CTNNA3: variants seen among roughly 807,000 people sequenced by gnomAD.
The protein encoded by CTNNA3 is catenin alpha 3, also known as catenin alpha-3.
CTNNA3 carries 76 observed loss-of-function variants against 95.7 expected under a neutral mutation model. The ratio of observed to expected loss-of-function variants is 0.79; its 90% CI spans 0.66 to 0.96. The LOEUF is 0.96. CTNNA3 is among the 40% of genes least tolerant of loss of function. The pLI is 0.00. For synonymous variants in CTNNA3, 431 were observed against 374.4 expected (o/e 1.15, Z -1.74); for missense variants, 1,191 against 1,089.8 (o/e 1.09, Z -1.31).
chr10:67,763,273 T>TAA lies in CTNNA3; in HGVS notation c.-2+159_-2+160dup, dbSNP rs11311944. Among the ~76,000 whole-genome samples the TAA allele has an allele frequency of 9.9e-4, 148 of 148,840 alleles. 1 individual carries two copies. Among genetic ancestry groups the TAA allele is most frequent in the Non-Finnish European group, 1.3e-3 (85 of 67,242 alleles). ...TCCCTCCTGTAGCTCTGCCAAAATTTAAAAAAAAAAAAAAATTCCTAAAAG... is the reference window on the plus strand; with the variant it reads ...TCCCTCCTGTAGCTCTGCCAAAATTTAAAAAAAAAAAAAAAAATTCCTAAAAG... On this transcript the variant is annotated intron_variant, in intron 1 of 17. Coordinates refer to the CTNNA3 transcript ENST00000684154.
chr10:66,321,030 C>A (rs550848631), intron 12 of CTNNA3, among the ~76,000 whole-genome samples: 1 of 151,908 alleles, frequency 6.6e-6, no homozygotes, highest in Non-Finnish European at 1.5e-5. Flanking sequence ...AGACCAATGC[C>A]CATCACAAAT....
At chr10:66,877,060 G>C (rs1168603825) in intron 7 of CTNNA3, among the ~76,000 whole-genome samples, 3 of 152,048 alleles carry the variant, frequency 2.0e-5, no homozygotes, top group African/African-American at 7.2e-5. Context: ...GGACTGAGCT[G>C]CCTGACTTTC....
intron 9 of CTNNA3, among the ~76,000 whole-genome samples, chr10:66,649,972 C>A (rs1758791004): frequency 6.6e-6 from 1 of 152,216 alleles, no homozygotes; most frequent in African/African-American, 2.4e-5. Flanking sequence ...GCCTCAGGCC[C>A]CAACACCAGA....
At chr10:66,203,341 T>C (rs558297618) in intron 13 of CTNNA3, among the ~76,000 whole-genome samples, 44 of 152,286 alleles carry the variant, frequency 2.9e-4, no homozygotes, top group African/African-American at 1.0e-3. Flanking sequence ...CTAACAGCCA[T>C]AAATAATACT....
chr10:66,890,958 G>C (rs1589382213), intron 7 of CTNNA3, among the ~76,000 whole-genome samples: 1 of 152,060 alleles, frequency 6.6e-6, no homozygotes, highest in Non-Finnish European at 1.5e-5. Flanking sequence ...CTCAATTCTA[G>C]AAGAGACCTC....
intron 13 of CTNNA3, among the ~76,000 whole-genome samples, chr10:66,220,116 C>T (rs1367781999): frequency 6.6e-6 from 1 of 151,942 alleles, no homozygotes; most frequent in Non-Finnish European, 1.5e-5. Context: ...GAGTGAGACT[C>T]GGTCTCAAAA....
At chr10:67,370,113 C>T (rs1455865896) in intron 5 of CTNNA3, among the ~76,000 whole-genome samples, 1 of 152,074 alleles carries the variant, frequency 6.6e-6, no homozygotes, top group Admixed American at 6.6e-5. Context: ...GATTGAAAAT[C>T]ATTAAAATGT....
chr10:66,023,945 A>G (rs577799452), intron 15 of CTNNA3, among the ~76,000 whole-genome samples: 146 of 152,306 alleles, frequency 9.6e-4, no homozygotes, highest in Non-Finnish European at 1.1e-3. Flanking sequence ...TAACCAATAC[A>G]AAGTTTATGG....
intron 17 of CTNNA3, among the ~76,000 whole-genome samples, chr10:65,944,741 T>G (rs2077482732): frequency 6.6e-6 from 1 of 152,164 alleles, no homozygotes; most frequent in Non-Finnish European, 1.5e-5. Context: ...GAGGTCTAAT[T>G]AAATTAAATG....
chr10:67,085,988 T>C (rs1183960122), intron 7 of CTNNA3, among the ~76,000 whole-genome samples: 2 of 152,002 alleles, frequency 1.3e-5, no homozygotes, highest in African/African-American at 4.8e-5. Flanking sequence ...CTACACATAA[T>C]TCCACCCTAG....
intron 7 of CTNNA3, among the ~76,000 whole-genome samples, chr10:66,928,772 ATAAG>A (rs1242992012): frequency 2.0e-5 from 3 of 152,330 alleles, no homozygotes; most frequent in African/African-American, 7.2e-5. Flanking sequence ...AACTTCTTTC[ATAAG>A]TAATCCCCCA....
intron 3 of CTNNA3, among the ~76,000 whole-genome samples, chr10:67,564,677 G>GTATATATATATATATA (rs71006151): frequency 9.8e-5 from 6 of 61,334 alleles, no homozygotes; most frequent in Admixed American, 4.3e-4. Flanking sequence ...GTGTGTGTGT[G>GTATATATATATATATA]TATATATATA....
At chr10:67,175,644 A>G (rs993453344) in intron 7 of CTNNA3, among the ~76,000 whole-genome samples, 1 of 152,194 alleles carries the variant, frequency 6.6e-6, no homozygotes, top group African/African-American at 2.4e-5. Context: ...TGTTTACTCT[A>G]GCAGCATTAT....
chr10:67,007,113 T>C (rs183798581), intron 7 of CTNNA3, among the ~76,000 whole-genome samples: 28 of 152,222 alleles, frequency 1.8e-4, no homozygotes, highest in Admixed American at 1.8e-3. Context: ...TTAAAAATTA[T>C]GTATTGCTTA....
chr10:66,806,709 T>C (rs1292598935), intron 7 of CTNNA3, among the ~76,000 whole-genome samples: 1 of 151,332 alleles, frequency 6.6e-6, no homozygotes, highest in African/African-American at 2.4e-5. Context: ...TATTCATCAA[T>C]ATAGAGGGAA....
At chr10:66,738,002 G>A (rs1389763863) in intron 9 of CTNNA3, among the ~76,000 whole-genome samples, 1 of 152,120 alleles carries the variant, frequency 6.6e-6, no homozygotes, top group African/African-American at 2.4e-5. Context: ...CTGCACTGAA[G>A]GATATGACTT....
At chr10:66,250,582 A>G (rs561771779) in intron 13 of CTNNA3, among the ~76,000 whole-genome samples, 3 of 152,180 alleles carry the variant, frequency 2.0e-5, no homozygotes, top group Non-Finnish European at 4.4e-5. Context: ...AAAAATAATA[A>G]TTTTTTTGAA....
At chr10:67,327,600 TGGGGAGGTG>T (rs1841592642) in intron 5 of CTNNA3, among the ~76,000 whole-genome samples, 1 of 152,144 alleles carries the variant, frequency 6.6e-6, no homozygotes, top group South Asian at 2.1e-4. Flanking sequence ...TCCACTTCAC[TGGGGAGGTG>T]GGGGAGAATG....
rs148087975 is a variant in CTNNA3 at position 66,261,359 on chromosome 10, G to A, written c.1884+19111C>T. On this transcript the variant is annotated intron_variant, in intron 13 of 17. Coordinates refer to ENST00000433211, the MANE Select transcript of CTNNA3 (RefSeq NM_013266.4). ...CTTCCCTCCAAGCTACTTGTCACTT[G>A]TCTCTTTTTCTAGTCCTTATGTTAT... Among the ~76,000 whole-genome samples the A allele has an allele frequency of 4.1e-3, 629 of 152,098 alleles. 2 individuals are homozygous for A. The highest frequency in any genetic ancestry group is 6.8e-3 in the Non-Finnish European group (459 of 67,966).
Sources: allele counts gnomAD v4.1 joint callset (sites outside exome capture counted in the v4.1 genomes callset), GRCh38; gene constraint gnomAD v4.1.1; transcripts MANE v1.5; gene names NCBI Gene and HGNC (gene_info 2026-07-23, HGNC 2026-07-21).